Variants in INTS14 observed in about 807,000 individuals in gnomAD.
INTS14 encodes integrator complex subunit 14.
INTS14 carries 27 observed loss-of-function variants against 56.9 expected under a neutral mutation model. The observed-to-expected ratio is 0.47, with a 90% CI of 0.35 to 0.65. The LOEUF is 0.65. INTS14 is among the 30% of genes least tolerant of loss of function. The probability of loss-of-function intolerance (pLI) is 0.00; values close to 1 mark genes in which losing one functional copy is unlikely to be tolerated. For synonymous variants in INTS14, 207 were observed against 236.2 expected (o/e 0.88, Z 1.13); for missense variants, 517 against 632.2 (o/e 0.82, Z 1.95).
chr15:65,603,914 A>T (rs2073540956), intron 3 of INTS14, among the ~76,000 whole-genome samples: 1 of 152,230 alleles, frequency 6.6e-6, no homozygotes, highest in Non-Finnish European at 1.5e-5. Context: ...GTTGTAGACT[A>T]TTATGATTTT....
intron 9 of INTS14, 32 bp from the exon 10 acceptor site, chr15:65,584,920 CT>C: frequency 6.4e-7 from 1 of 1,562,700 alleles, no homozygotes. Flanking sequence ...GAAATGACAT[CT>C]GGTAAAACAC....
intron 2 of INTS14, 22 bp downstream of exon 2, chr15:65,607,137 A>C: frequency 3.1e-6 from 5 of 1,612,110 alleles, no homozygotes; most frequent in Non-Finnish European, 4.2e-6. Flanking sequence ...CTGTACATAC[A>C]ATAACTTACT....
chr15:65,597,172 T>C (rs949500441), intron 6 of INTS14, among the ~76,000 whole-genome samples: 1 of 152,222 alleles, frequency 6.6e-6, no homozygotes, highest in Admixed American at 6.5e-5. Context: ...GTAGAAGAGA[T>C]GGATGCCTTG....
At chr15:65,583,093 A>T (rs1474288282) in intron 10 of INTS14, among the ~76,000 whole-genome samples, 1 of 152,228 alleles carries the variant, frequency 6.6e-6, no homozygotes, top group Non-Finnish European at 1.5e-5. Context: ...GCTAGCAGAA[A>T]TGTAAAATGG....
chr15:65,579,250 C>T lies in INTS14; in HGVS notation c.*158G>A. ...CAGCCAACCACCTTCACATCCTTCTCATACTAGTAGAGTCATTCAAAACAG... is the reference window on the plus strand; with the variant it reads ...CAGCCAACCACCTTCACATCCTTCTTATACTAGTAGAGTCATTCAAAACAG... On this transcript the variant is annotated 3_prime_UTR_variant, in exon 12 of 12. Coordinates refer to ENST00000313182, the MANE Select transcript of INTS14 (RefSeq NM_001394796.1). 3 of 1,016,208 alleles carry T rather than the reference C, an allele frequency of 3.0e-6. No homozygotes were observed. The highest frequency in any genetic ancestry group is 2.6e-5 in the East Asian group (1 of 38,904). 62.9% of individuals were successfully genotyped at this position (1,016,208 alleles called of 1,614,324 possible).
At chr15:65,604,744 A>G (rs1323532278) in intron 3 of INTS14, among the ~76,000 whole-genome samples, 1 of 151,928 alleles carries the variant, frequency 6.6e-6, no homozygotes, top group Non-Finnish European at 1.5e-5. Flanking sequence ...AAAAAAAAAA[A>G]AAAAAAGTCT....
At chr15:65,602,635 C>T (rs2073480321) in intron 3 of INTS14, among the ~76,000 whole-genome samples, 1 of 151,520 alleles carries the variant, frequency 6.6e-6, no homozygotes, top group South Asian at 2.1e-4. Context: ...ATTATAAAAA[C>T]AATAACCAGT....
chr15:65,609,909 C>T (rs996245572), intron 1 of INTS14, among the ~76,000 whole-genome samples: 3 of 152,118 alleles, frequency 2.0e-5, no homozygotes, highest in Non-Finnish European at 2.9e-5. Flanking sequence ...CTGAAGACAC[C>T]TCTGGAGCTG....
At chr15:65,601,990 A>T (rs1402469282) in intron 3 of INTS14, among the ~76,000 whole-genome samples, 1 of 152,112 alleles carries the variant, frequency 6.6e-6, no homozygotes, top group Non-Finnish European at 1.5e-5. Flanking sequence ...TTGAGGCCAG[A>T]GGATCACTTG....
intron 9 of INTS14, among the ~76,000 whole-genome samples, chr15:65,590,519 C>T (rs532139172): frequency 6.6e-6 from 1 of 152,230 alleles, no homozygotes; most frequent in Non-Finnish European, 1.5e-5. Flanking sequence ...TGCCACACTT[C>T]CTTTTCTTTC....
chr15:65,599,075 A>G, intron 4 of INTS14, 85 bp from the exon 5 acceptor site: 2 of 850,668 alleles, frequency 2.4e-6, no homozygotes, highest in South Asian at 3.8e-5. Flanking sequence ...AGCCATTACG[A>G]TAACATAGGC....
In INTS14 at chr15:65,605,111, A is replaced by G. The variant is rs2073597296; in HGVS notation, c.330+18T>C. The G allele has an allele frequency of 1.3e-6, 2 of 1,594,020 alleles. No individual in the cohort carries two copies. Among genetic ancestry groups the G allele is most frequent in the Middle Eastern group, 1.7e-4 (1 of 6,014 alleles). On this transcript the variant is annotated intron_variant, in intron 3 of 11. Transcript: ENST00000313182. ...TAATGTTGTTAACTTAGGGCAATGA[A>G]AAAGAATTGATCATTACCTGGCAAG...
chr15:65,598,805 C>T, intron 5 of INTS14, 67 bp downstream of exon 5: 3 of 1,246,330 alleles, frequency 2.4e-6, no homozygotes, highest in Admixed American at 2.1e-5. Context: ...AACAGATAGT[C>T]TTCCTGGATG....
intron 2 of INTS14, 34 bp from the exon 3 acceptor site, chr15:65,605,270 CTT>C: frequency 6.6e-7 from 1 of 1,524,136 alleles, no homozygotes; most frequent in African/African-American, 1.4e-5. Flanking sequence ...GCTAGTTACT[CTT>C]TAGTTTTAAT....
At chr15:65,590,658 C>T (rs2072992219) in intron 9 of INTS14, among the ~76,000 whole-genome samples, 1 of 152,212 alleles carries the variant, frequency 6.6e-6, no homozygotes, top group Non-Finnish European at 1.5e-5. Context: ...CTAGGCAGAG[C>T]TCATCATCAT....
chr15:65,601,806 T>C (rs1221856995), intron 3 of INTS14, among the ~76,000 whole-genome samples: 2 of 152,228 alleles, frequency 1.3e-5, no homozygotes, highest in East Asian at 3.8e-4. Flanking sequence ...AGAATTGCTA[T>C]ACAATGATTT....
At chr15:65,590,528 T>G (rs1158948601) in intron 9 of INTS14, among the ~76,000 whole-genome samples, 1 of 152,224 alleles carries the variant, frequency 6.6e-6, no homozygotes, top group African/African-American at 2.4e-5. Flanking sequence ...TCCTTTTCTT[T>G]CTGTAGGTGT....
At chr15:65,594,447 C>T (rs1482637319) in intron 7 of INTS14, among the ~76,000 whole-genome samples, 2 of 150,234 alleles carry the variant, frequency 1.3e-5, no homozygotes, top group Non-Finnish European at 3.0e-5. Context: ...GGCTGGAGTG[C>T]AGTGGCGCGA....
chr15:65,600,012 G>A, intron 3 of INTS14, 83 bp from the exon 4 acceptor site: 2 of 1,435,644 alleles, frequency 1.4e-6, no homozygotes, highest in Non-Finnish European at 9.4e-7. Context: ...TTCACTGCTA[G>A]AAAGGGGCAC....
Sources: gnomAD v4.1 joint callset for allele counts (sites outside exome capture counted in the v4.1 genomes callset) on GRCh38, gnomAD v4.1.1 for gene constraint, MANE v1.5 for transcripts, NCBI Gene and HGNC (gene_info 2026-07-23, HGNC 2026-07-21) for gene names.